The following ZNF544 variants were observed in gnomAD, a reference collection of about 807,000 sequenced individuals.
ZNF544 encodes zinc finger protein AF020591.
A neutral mutation model predicts 13.5 loss-of-function variants in ZNF544; 10 were observed. The observed-to-expected ratio is 0.74, with a 90% CI of 0.46 to 1.25. The LOEUF is 1.25. Ranked by LOEUF, ZNF544 falls within the 50% of genes most tolerant of loss-of-function variation. ZNF544 has a pLI of 0.00. For missense variants in ZNF544, 896 were observed against 845.6 expected (o/e 1.06, Z -0.74); for synonymous variants, 323 against 300.5 (o/e 1.07, Z -0.77).
chr19:58,246,952 C>T (rs543015823), intron 6 of ZNF544, 158 bp downstream of exon 6: 27 of 594,262 alleles, frequency 4.5e-5, no homozygotes, highest in African/African-American at 2.8e-4. Context: ...TTCACCAATT[C>T]GAAGTATGCA....
downstream of ZNF544, among the ~76,000 whole-genome samples, chr19:58,264,638 C>T (rs1600411944): frequency 6.6e-6 from 1 of 152,242 alleles, no homozygotes; most frequent in Non-Finnish European, 1.5e-5. Context: ...TTGCAGTTAG[C>T]TGAGATCATG....
At position 58,273,532 on chromosome 19, in the gene ZNF544, T is replaced by C. The variant is rs537089819; in HGVS notation, c.245-2791T>C. Among the ~76,000 whole-genome samples the C allele has an allele frequency of 1.9e-3, 286 of 151,584 alleles. 2 individuals are homozygous for C. Among genetic ancestry groups the C allele is most frequent in the African/African-American group, 6.6e-3 (274 of 41,336 alleles). ...GCCGAAACCCTGTCTCTACTAAAAATACAAAAAATTAGCCGGGCGTGGTGG... is the reference window on the plus strand; with the variant it reads ...GCCGAAACCCTGTCTCTACTAAAAACACAAAAAATTAGCCGGGCGTGGTGG... On this transcript the variant is annotated intron_variant, in intron 5 of 6. Transcript: ENST00000595981.
Position 58,263,470 on chromosome 19 carries a change from C to T in ZNF544, c.*716C>T. 1.0e-6 allele frequency: 1 copy of T among 985,298 alleles called. No homozygotes were observed. Among genetic ancestry groups the T allele is most frequent in the African/African-American group, 1.7e-5 (1 of 57,304 alleles). The allele number at this position is 985,298 out of a possible 1,614,324, so 61.0% of individuals were successfully genotyped here. A position where few individuals can be genotyped will look rare whatever the true frequency, so the allele number is the denominator to read the frequency against. ...TTGAGACACTCTAAATAAATAATAA[C>T]CAAGATGGGAAATTTCCCTGCCAGA... On this transcript the variant is annotated 3_prime_UTR_variant, in exon 7 of 7. Coordinates refer to ENST00000687789, the MANE Select transcript of ZNF544 (RefSeq NM_014480.4).
chr19:58,277,162 C>T (rs2051283042), intron 6 of ZNF544: 2 of 1,231,590 alleles, frequency 1.6e-6, no homozygotes, highest in Non-Finnish European at 2.0e-6. Flanking sequence ...TGTAACTTGC[C>T]TAACACCTGC....
chr19:58,261,974 A>G lies in ZNF544; in HGVS notation c.1368A>G (p.Arg456=). The G allele has an allele frequency of 6.2e-7, 1 of 1,613,882 alleles. No homozygotes were observed. Among genetic ancestry groups the G allele is most frequent in the Non-Finnish European group, 8.5e-7 (1 of 1,179,974 alleles). ...ACTCTAACCTCATTGTACATCAGAGAATTCATACTGGAGAGAAACCGTATG... is the reference window on the plus strand; with the variant it reads ...ACTCTAACCTCATTGTACATCAGAGGATTCATACTGGAGAGAAACCGTATG... ...RWNSNLIVHQ[R]IHTGEKPYEC... is the part of the protein sequence containing the mutation. The change falls in exon 7 of 7, where the codon AGA becomes AGG. Residue 456 remains arginine (R), a synonymous_variant. Transcript: ENST00000687789.
chr19:58,235,672 A>G (rs190270090), intron 3 of ZNF544, among the ~76,000 whole-genome samples: 1 of 152,342 alleles, frequency 6.6e-6, no homozygotes, highest in African/African-American at 2.4e-5. Context: ...TCTATAGTGC[A>G]TATGTATTTC....
exon 7 of ZNF544, chr19:58,277,306 C>G: frequency 8.3e-7 from 1 of 1,208,158 alleles, no homozygotes; most frequent in Non-Finnish European, 1.0e-6. Context: ...TTGAGCCCCT[C>G]GGGAGTCAGC....
In ZNF544 at chr19:58,263,263, C is replaced by G; in HGVS notation, c.*509C>G. ...ATCACTTGAGCCCAGGAGTTTGAAA[C>G]CAGCCTGGGTAACATGGCAAAATCC... On this transcript the variant is annotated 3_prime_UTR_variant, in exon 7 of 7. Transcript: ENST00000687789. The G allele has an allele frequency of 1.1e-6, 1 of 937,554 alleles. No individual in the cohort carries two copies. Among genetic ancestry groups the G allele is most frequent in the South Asian group, 4.9e-5 (1 of 20,506 alleles). 58.1% of individuals were successfully genotyped at this position (937,554 alleles called of 1,614,324 possible).
exon 7 of ZNF544, chr19:58,277,431 A>C: frequency 2.4e-6 from 1 of 409,894 alleles, no homozygotes; most frequent in Non-Finnish European, 4.2e-6. Context: ...GTGAGCAAAT[A>C]ACAAGTAACT....
chr19:58,239,016 G>A (rs941864381), intron 3 of ZNF544, among the ~76,000 whole-genome samples: 1 of 152,160 alleles, frequency 6.6e-6, no homozygotes, highest in Non-Finnish European at 1.5e-5. Context: ...TGCTGTTAGT[G>A]TGTCCTGACT....
At chr19:58,266,363 A>C (rs2049896406), downstream of ZNF544, among the ~76,000 whole-genome samples, 1 of 151,406 alleles carries the variant, frequency 6.6e-6, no homozygotes, top group African/African-American at 2.4e-5. Flanking sequence ...AAAATACAAA[A>C]AATCAGCCAG....
chr19:58,233,566 G>T (rs1210548025), intron 3 of ZNF544, among the ~76,000 whole-genome samples: 1 of 152,146 alleles, frequency 6.6e-6, no homozygotes, highest in Non-Finnish European at 1.5e-5. Context: ...TGTCAAGGTA[G>T]GTTATAGATT....
chr19:58,239,884 G>A (rs556166477), intron 3 of ZNF544, among the ~76,000 whole-genome samples: 9 of 145,362 alleles, frequency 6.2e-5, no homozygotes, highest in African/African-American at 2.3e-4. Flanking sequence ...GGGCAACAGA[G>A]CAAGACTCCA....
intron 6 of ZNF544, among the ~76,000 whole-genome samples, chr19:58,248,273 C>CTTT (rs34774786): frequency 1.1e-4 from 12 of 108,504 alleles, no homozygotes; most frequent in East Asian, 2.4e-4. Context: ...TTTTTTTTTT[C>CTTT]TTTTTTTTTT....
At chr19:58,256,574 C>T (rs772752772) in intron 6 of ZNF544, among the ~76,000 whole-genome samples, 6 of 152,190 alleles carry the variant, frequency 3.9e-5, no homozygotes, top group Admixed American at 3.3e-4. Context: ...AACGGTACCA[C>T]GTGCAAGGTT....
At chr19:58,245,601 A>G (rs916048595) in intron 4 of ZNF544, among the ~76,000 whole-genome samples, 7 of 152,176 alleles carry the variant, frequency 4.6e-5, no homozygotes, top group Non-Finnish European at 8.8e-5. Flanking sequence ...TGCCCGGTCA[A>G]TCACCTTCTT....
chr19:58,255,677 A>G (rs1280008317), intron 6 of ZNF544, among the ~76,000 whole-genome samples: 2 of 152,260 alleles, frequency 1.3e-5, no homozygotes, highest in Non-Finnish European at 2.9e-5. Context: ...TTGCCCTTAC[A>G]GGCTGACTTT....
intron 5 of ZNF544, among the ~76,000 whole-genome samples, chr19:58,271,748 A>G (rs950698876): frequency 6.6e-6 from 1 of 152,202 alleles, no homozygotes; most frequent in Admixed American, 6.6e-5. Flanking sequence ...GTGTGCCTAT[A>G]GGTGAGAGAA....
chr19:58,247,754 CTT>C (rs965174383), intron 6 of ZNF544: 2 of 151,986 alleles, frequency 1.3e-5, no homozygotes, highest in African/African-American at 4.8e-5. Context: ...GGCTAATAGA[CTT>C]TATTTTTTAG....
Sources: allele counts gnomAD v4.1 joint callset (sites outside exome capture counted in the v4.1 genomes callset), GRCh38; gene constraint gnomAD v4.1.1; transcripts MANE v1.5; gene names NCBI Gene and HGNC (gene_info 2026-07-23, HGNC 2026-07-21).